CARS2: variants seen among roughly 807,000 people sequenced by gnomAD.
CARS2 encodes the protein cysteinyl-tRNA synthetase 2, mitochondrial, also known as probable cysteine--tRNA ligase, mitochondrial.
Under a neutral mutation model 68.8 loss-of-function variants are expected in CARS2, and 52 were observed. The observed-to-expected ratio is 0.76, with a 90% CI of 0.61 to 0.95. The LOEUF (loss-of-function observed/expected upper bound fraction) is 0.95, where lower values mean the gene tolerates loss of function less well. Ranked by LOEUF, CARS2 falls within the 40% of genes least tolerant of loss-of-function variation. CARS2 has a pLI of 0.00. For missense variants in CARS2, 780 were observed against 754.2 expected, an observed-to-expected ratio of 1.03 and a Z score of -0.40; for synonymous variants, 314 against 303.6, an observed-to-expected ratio of 1.03 and a Z score of -0.36.
chr13:110,701,729 C>T (rs560333044), intron 2 of CARS2, among the ~76,000 whole-genome samples, 174 bp from the exon 3 acceptor site: 23 of 152,322 alleles, frequency 1.5e-4, no homozygotes, highest in South Asian at 4.1e-4. Context: ...CCAGGGCCTG[C>T]GCCACAAGGG....
chr13:110,689,773 G>A (rs939333939), intron 3 of CARS2, among the ~76,000 whole-genome samples: 5 of 152,100 alleles, frequency 3.3e-5, no homozygotes, highest in South Asian at 2.1e-4. Flanking sequence ...CCTCTCCTGC[G>A]GTACAGTTTT....
rs906768657 is a variant in CARS2, at chr13:110,676,680, C to A, written c.785+294G>T. On this transcript the variant is annotated intron_variant, in intron 7 of 14. Coordinates refer to ENST00000257347, the MANE Select transcript of CARS2 (RefSeq NM_024537.4). This position sits in a 1 kb window ranked among gnomAD's most constrained non-coding sequence, Gnocchi z 4.0. ...GTGCAAGCACTCTCCTCCAGGGCCCCAAGCACCAGCCACTACAGAGAAGGG... is the reference window on the plus strand; with the variant it reads ...GTGCAAGCACTCTCCTCCAGGGCCCAAAGCACCAGCCACTACAGAGAAGGG... Among the ~76,000 whole-genome samples the A allele has an allele frequency of 2.0e-5, 3 of 152,066 alleles. No individual in the cohort carries two copies. Among genetic ancestry groups the A allele is most frequent in the African/African-American group, 7.2e-5 (3 of 41,392 alleles).
intron 9 of CARS2, among the ~76,000 whole-genome samples, chr13:110,659,501 T>A (rs928360613): frequency 1.3e-5 from 2 of 152,088 alleles, no homozygotes; most frequent in African/African-American, 4.8e-5. Context: ...GATCTCCTTT[T>A]TTTTTTTTGT....
chr13:110,711,438 T>G (rs1368054932), upstream of CARS2, among the ~76,000 whole-genome samples: 1 of 152,232 alleles, frequency 6.6e-6, no homozygotes, highest in Non-Finnish European at 1.5e-5. Context: ...GGTCCCGAAC[T>G]CCTGATCTCA....
intron 9 of CARS2, 192 bp from the exon 10 acceptor site, chr13:110,651,292 G>A (rs184574075): frequency 2.0e-5 from 11 of 548,824 alleles, no homozygotes; most frequent in African/African-American, 1.6e-4. Flanking sequence ...AACTTTCCAC[G>A]TTCGATCTCA....
chr13:110,660,201 C>G (rs1484042110), intron 9 of CARS2, among the ~76,000 whole-genome samples: 1 of 152,230 alleles, frequency 6.6e-6, no homozygotes, highest in Non-Finnish European at 1.5e-5. Context: ...TCTCCAGGAT[C>G]CATTTCCAAT....
chr13:110,691,109 G>A (rs1427745727), intron 3 of CARS2, among the ~76,000 whole-genome samples: 2 of 152,206 alleles, frequency 1.3e-5, no homozygotes, highest in South Asian at 2.1e-4. Flanking sequence ...TCCGCCTCCC[G>A]GGCTCAAGCG....
upstream of CARS2, among the ~76,000 whole-genome samples, chr13:110,709,600 C>T (rs190896853): frequency 3.8e-4 from 58 of 152,260 alleles, no homozygotes; most frequent in African/African-American, 1.3e-3. Context: ...GCTTCCTGCC[C>T]TCGAACATCA....
At chr13:110,712,999 C>T (rs756578782) in intron 1 of CARS2, 6 of 1,544,000 alleles carry the variant, frequency 3.9e-6, no homozygotes, top group East Asian at 4.9e-5. Flanking sequence ...GCGCACTCTG[C>T]GGCCGCAGCT....
intron 1 of CARS2, chr13:110,713,049 A>G (rs759761142): frequency 4.8e-6 from 7 of 1,466,500 alleles, no homozygotes; most frequent in Non-Finnish European, 6.3e-6. Flanking sequence ...ATGCGCCGCC[A>G]CTTCCGCCCG....
exon 1 of CARS2, chr13:110,713,279 C>T (rs760929910): frequency 2.4e-5 from 31 of 1,277,580 alleles, no homozygotes; most frequent in East Asian, 1.3e-4. Flanking sequence ...GGCTGAGGAG[C>T]GAGTTGCGGT....
intron 1 of CARS2, among the ~76,000 whole-genome samples, chr13:110,711,704 G>T (rs1458473353): frequency 6.6e-6 from 1 of 152,232 alleles, no homozygotes; most frequent in Non-Finnish European, 1.5e-5. Flanking sequence ...TAAAAGTGAA[G>T]ATTAAATCCA....
chr13:110,696,399 C>T (rs1011410712), intron 3 of CARS2, among the ~76,000 whole-genome samples: 1 of 152,210 alleles, frequency 6.6e-6, no homozygotes, highest in Non-Finnish European at 1.5e-5. Context: ...AGTGTAAAAG[C>T]GTTCCTATTT....
chr13:110,666,673 GA>G (rs2062657738), intron 8 of CARS2: 1 of 985,406 alleles, frequency 1.0e-6, no homozygotes, highest in Non-Finnish European at 1.2e-6. Flanking sequence ...GACTTCAAAA[GA>G]TAGTATTTGT....
intron 9 of CARS2, 36 bp downstream of exon 9, chr13:110,663,415 C>T (rs749287613): frequency 8.2e-6 from 13 of 1,592,780 alleles, no homozygotes; most frequent in South Asian, 3.4e-5. Context: ...CACAAGCTAT[C>T]GGCACCTCAG....
At chr13:110,649,931 C>CTTTTTTTTTT (rs59276783) in intron 10 of CARS2, among the ~76,000 whole-genome samples, 1 of 73,182 alleles carries the variant, frequency 1.4e-5, no homozygotes, top group African/African-American at 5.2e-5. Context: ...TGGATAACGA[C>CTTTTTTTTTT]TTTTTTTTTT....
Position 110,696,179 on chromosome 13 carries a change from A to C in CARS2, c.393+5259T>G, listed in dbSNP as rs541466874. Among the ~76,000 whole-genome samples, 3 of 152,308 alleles carry C rather than the reference A, an allele frequency of 2.0e-5. No individual in the cohort carries two copies. The South Asian group carries it at 6.2e-4, about 32-fold the overall frequency. ...TTCATCCAGTCTATCACTGATGGGC[A>C]TCTGGGTTGGTTCCAAGTCTTTGCT... On this transcript the variant is annotated intron_variant, in intron 3 of 14. Coordinates refer to ENST00000257347, the MANE Select transcript of CARS2 (RefSeq NM_024537.4).
chr13:110,707,927 T>A (rs1020833861), upstream of CARS2, among the ~76,000 whole-genome samples: 1 of 152,208 alleles, frequency 6.6e-6, no homozygotes, highest in African/African-American at 2.4e-5. Context: ...TTAATAAGGT[T>A]AAAATGTTAG....
rs376713706 is a variant in CARS2 at position 110,642,415 on chromosome 13, G to T, written c.1523C>A (p.Thr508Lys). The T allele has an allele frequency of 1.3e-6, 2 of 1,593,860 alleles. No homozygotes were observed. Among genetic ancestry groups the T allele is most frequent in the African/African-American group, 2.7e-5 (2 of 74,526 alleles). Reference protein sequence around the residue: ...RQFALAMPEATGDARRQQLLE... With the variant: ...RQFALAMPEAKGDARRQQLLE... ...GAGCTGCTGCCGCCGGGCGTCCCCC[G>T]TGGCCTCGGGCATGGCCAGCGCAAA... Residue 508 changes from threonine to lysine, a missense_variant, in exon 14 of 15, where the codon ACG becomes AAG. Coordinates refer to ENST00000257347, the MANE Select transcript of CARS2 (RefSeq NM_024537.4).
Sources: allele counts gnomAD v4.1 joint callset (sites outside exome capture counted in the v4.1 genomes callset), GRCh38; gene constraint gnomAD v4.1.1; non-coding constraint Gnocchi (gnomAD v3.1); transcripts MANE v1.5; gene names NCBI Gene and HGNC (gene_info 2026-07-23, HGNC 2026-07-21).